Variants in RBFOX1 observed in about 807,000 individuals in gnomAD.
RBFOX1 encodes RNA binding fox-1 homolog 1.
In RBFOX1, 8 loss-of-function variants were observed where a neutral mutation model predicts 57.7. The observed-to-expected ratio is 0.14, with a 90% CI of 0.08 to 0.25. The LOEUF (loss-of-function observed/expected upper bound fraction) is 0.25, where lower values mean the gene tolerates loss of function less well. RBFOX1 is among the 10% of genes least tolerant of loss of function. The pLI, the probability that RBFOX1 is intolerant of heterozygous loss-of-function variation, is 1.00. For missense variants in RBFOX1, 611 were observed against 548.5 expected, an observed-to-expected ratio of 1.11 and a Z score of -1.14; for synonymous variants, 326 against 222.4, an observed-to-expected ratio of 1.47 and a Z score of -4.15.
chr16:6,895,544 C>A (rs555259733), intron 3 of RBFOX1, among the ~76,000 whole-genome samples: 2 of 146,516 alleles, frequency 1.4e-5, no homozygotes, highest in South Asian at 4.3e-4. Context: ...TACAAGGCAG[C>A]TGCACATGAT....
intron 3 of RBFOX1, among the ~76,000 whole-genome samples, chr16:6,787,488 A>G (rs918288761): frequency 1.3e-5 from 2 of 152,128 alleles, no homozygotes; most frequent in Non-Finnish European, 2.9e-5. Context: ...CCCTGTGGTT[A>G]AGTTGAAGTT....
chr16:5,880,393 C>T (rs2057733298), intron 4 of RBFOX1, among the ~76,000 whole-genome samples: 1 of 151,986 alleles, frequency 6.6e-6, no homozygotes, highest in Non-Finnish European at 1.5e-5. Flanking sequence ...CCATGAAGAC[C>T]CAGAGGACAA....
At chr16:5,256,858 C>G (rs888764339) in intron 1 of RBFOX1, among the ~76,000 whole-genome samples, 1 of 151,818 alleles carries the variant, frequency 6.6e-6, no homozygotes, top group African/African-American at 2.4e-5. Flanking sequence ...CATTTGAGCT[C>G]AGGAGGCAGA....
rs1381010649 is a variant in RBFOX1 at position 6,780,242 on chromosome 16, TAC to T, written c.-16+125594_-16+125595del. 1.3e-3 allele frequency among the ~76,000 whole-genome samples: 105 copies of T among 81,244 alleles called. 2 individuals carry two copies. The highest frequency in any genetic ancestry group is 0.016 in the Middle Eastern group (1 of 62). 53.3% of individuals were successfully genotyped at this position (81,244 alleles called of 152,430 possible). A position where few individuals can be genotyped will look rare whatever the true frequency, so the allele number is the denominator to read the frequency against. ...ATTTATATATATATTTATATATATT[TAC>T]ATATATATTTATATATATATTTATA... On this transcript the variant is annotated intron_variant, in intron 3 of 15. Coordinates refer to ENST00000550418, the MANE Select transcript of RBFOX1 (RefSeq NM_018723.4).
intron 3 of RBFOX1, among the ~76,000 whole-genome samples, chr16:7,009,526 G>T (rs2093545994): frequency 6.6e-6 from 1 of 152,072 alleles, no homozygotes; most frequent in South Asian, 2.1e-4. Flanking sequence ...TGCATTAATT[G>T]TGAAATGGAA....
intron 1 of RBFOX1, among the ~76,000 whole-genome samples, chr16:6,049,338 C>T (rs941534762): frequency 6.6e-6 from 1 of 151,672 alleles, no homozygotes; most frequent in Non-Finnish European, 1.5e-5. Flanking sequence ...AAAAAAAATT[C>T]TTTATTAAAT....
At chr16:7,589,912 G>GGTGGGTGTGTGT (rs1555639488) in intron 7 of RBFOX1, among the ~76,000 whole-genome samples, 6 of 135,054 alleles carry the variant, frequency 4.4e-5, no homozygotes, top group Non-Finnish European at 9.4e-5. Flanking sequence ...GTGTGTGCTG[G>GGTGGGTGTGTGT]GTGTGTGTGT....
intron 12 of RBFOX1, among the ~76,000 whole-genome samples, chr16:7,658,538 C>T (rs1344817414): frequency 6.6e-6 from 1 of 152,076 alleles, no homozygotes; most frequent in East Asian, 1.9e-4. Flanking sequence ...AGGGAGCTCA[C>T]AAGCTGATTA....
At chr16:7,703,544 T>C (rs1022247383) in intron 14 of RBFOX1, among the ~76,000 whole-genome samples, 1 of 152,150 alleles carries the variant, frequency 6.6e-6, no homozygotes, top group Non-Finnish European at 1.5e-5. Flanking sequence ...GAGTAAAATA[T>C]AGTGAAATTA....
At chr16:6,892,476 C>T (rs950680908) in intron 3 of RBFOX1, among the ~76,000 whole-genome samples, 1 of 152,054 alleles carries the variant, frequency 6.6e-6, no homozygotes, top group South Asian at 2.1e-4. Context: ...TTGAGACCAG[C>T]CTGGCCAACA....
At chr16:6,942,146 G>A (rs2078649037) in intron 3 of RBFOX1, among the ~76,000 whole-genome samples, 1 of 152,178 alleles carries the variant, frequency 6.6e-6, no homozygotes. Flanking sequence ...GGCTGAGGCA[G>A]GAGAATTGCT....
intron 3 of RBFOX1, among the ~76,000 whole-genome samples, chr16:6,928,902 G>A (rs919618094): frequency 2.6e-5 from 4 of 152,138 alleles, no homozygotes; most frequent in Non-Finnish European, 5.9e-5. Flanking sequence ...GAGCCCAGTA[G>A]AGCATCAGTT....
intron 2 of RBFOX1, among the ~76,000 whole-genome samples, chr16:5,597,456 T>C (rs2047223206): frequency 7.0e-6 from 1 of 143,792 alleles, no homozygotes; most frequent in Non-Finnish European, 1.5e-5. Flanking sequence ...TGGAGTGCAA[T>C]GGCGGTGGTC....
At chr16:5,894,998 G>A (rs955355836) in intron 4 of RBFOX1, among the ~76,000 whole-genome samples, 16 of 151,926 alleles carry the variant, frequency 1.1e-4, no homozygotes, top group African/African-American at 3.9e-4. Context: ...ACTCCAGCCT[G>A]GGCAACAGAG....
intron 4 of RBFOX1, among the ~76,000 whole-genome samples, chr16:7,166,172 C>T (rs1020050045): frequency 4.6e-5 from 7 of 152,058 alleles, no homozygotes; most frequent in Admixed American, 3.3e-4. Flanking sequence ...TGCCAGCACA[C>T]CCAGCTAATT....
intron 2 of RBFOX1, among the ~76,000 whole-genome samples, chr16:6,389,490 G>T (rs1032631516): frequency 5.3e-5 from 8 of 152,112 alleles, no homozygotes; most frequent in Non-Finnish European, 1.0e-4. Context: ...TGAAATACTA[G>T]ACTTCTTCAT....
intron 4 of RBFOX1, among the ~76,000 whole-genome samples, chr16:5,996,810 C>G (rs1176743976): frequency 1.3e-5 from 2 of 152,160 alleles, no homozygotes; most frequent in African/African-American, 2.4e-5. Flanking sequence ...TCCATCTCTG[C>G]TAGTGCTCTC....
In RBFOX1 at chr16:5,888,512, G is replaced by A. The variant is rs190014028; in HGVS notation, c.351+21177G>A. Among the ~76,000 whole-genome samples the A allele has an allele frequency of 3.9e-3, 591 of 152,186 alleles. 2 individuals carry two copies. The highest frequency in any genetic ancestry group is 5.7e-3 in the Non-Finnish European group (385 of 68,014). The stretch of plus-strand genomic sequence containing the variant: ...CAAACACTTAAAAAAAATAGTTGTT[G>A]AGGCCGGGCGCAGTGGCTCACGCCT... On this transcript the variant is annotated intron_variant, in intron 4 of 19. Transcript: ENST00000641259.
intron 4 of RBFOX1, among the ~76,000 whole-genome samples, chr16:5,873,673 T>C (rs866247131): frequency 6.6e-6 from 1 of 152,224 alleles, no homozygotes; most frequent in African/African-American, 2.4e-5. Context: ...TATAGCATTA[T>C]AGAATAAATG....
Sources: gnomAD v4.1 joint callset for allele counts (sites outside exome capture counted in the v4.1 genomes callset) on GRCh38, gnomAD v4.1.1 for gene constraint, MANE v1.5 for transcripts, NCBI Gene and HGNC (gene_info 2026-07-23, HGNC 2026-07-21) for gene names.